VIT: variants seen among roughly 807,000 people sequenced by gnomAD.
VIT encodes vitrin.
VIT carries 99 observed loss-of-function variants against 78.0 expected under a neutral mutation model. The ratio of observed to expected loss-of-function variants is 1.27; its 90% CI spans 1.08 to 1.50. The LOEUF is 1.50. VIT is among the 40% of genes most tolerant of loss of function. The pLI is 0.00. For synonymous variants in VIT, 374 were observed against 334.3 expected (o/e 1.12, Z -1.29); for missense variants, 1,126 against 875.3 (o/e 1.29, Z -3.61).
intron 9 of VIT, 121 bp from the exon 10 acceptor site, chr2:36,781,606 T>C (rs2148620824): frequency 1.8e-6 from 2 of 1,105,586 alleles, no homozygotes; most frequent in East Asian, 5.1e-5. Flanking sequence ...TCTGGCCCTC[T>C]GTTCCTTTAT....
chr2:36,767,382 ATGGGGAGCAC>A (rs1669500215), intron 7 of VIT, 97 bp downstream of exon 7: 1 of 1,272,094 alleles, frequency 7.9e-7, no homozygotes, highest in Non-Finnish European at 1.0e-6. Context: ...GGCTGGGTGA[ATGGGGAGCAC>A]TGGAGAACTG....
chr2:36,718,548 G>T (rs1323470998), intron 2 of VIT, among the ~76,000 whole-genome samples: 1 of 152,146 alleles, frequency 6.6e-6, no homozygotes, highest in Non-Finnish European at 1.5e-5. Flanking sequence ...TGTCTCTCAG[G>T]TAAGCTACTT....
intron 9 of VIT, 35 bp from the exon 10 acceptor site, chr2:36,781,692 T>A (rs1179580109): frequency 2.5e-6 from 4 of 1,612,422 alleles, no homozygotes; most frequent in Non-Finnish European, 3.4e-6. Context: ...TTGGTTTAAG[T>A]AACAAGTTTG....
chr2:36,800,637 G>A (rs970181488), intron 12 of VIT, among the ~76,000 whole-genome samples: 6 of 152,106 alleles, frequency 3.9e-5, no homozygotes, highest in South Asian at 2.1e-4. Flanking sequence ...CCTCCTGCAC[G>A]CCTCCACACC....
At chr2:36,814,131 T>C in intron 15 of VIT, 52 bp from the exon 16 acceptor site, 1 of 1,587,438 alleles carries the variant, frequency 6.3e-7, no homozygotes, top group Non-Finnish European at 8.6e-7. Context: ...AGAGATTCTT[T>C]AGCAGCACCT....
intron 6 of VIT, 134 bp downstream of exon 6, chr2:36,759,180 A>G (rs1486406830): frequency 1.3e-6 from 2 of 1,584,620 alleles, no homozygotes; most frequent in East Asian, 2.3e-5. Context: ...AACAGATGCC[A>G]GGAACATGGG....
At chr2:36,744,368 G>A (rs1572459287) in intron 4 of VIT, among the ~76,000 whole-genome samples, 1 of 152,238 alleles carries the variant, frequency 6.6e-6, no homozygotes, top group East Asian at 1.9e-4. Context: ...CTGGTCAAAT[G>A]GTTGTTCATT....
intron 4 of VIT, among the ~76,000 whole-genome samples, chr2:36,752,106 T>C (rs1348647144): frequency 1.3e-5 from 2 of 152,200 alleles, no homozygotes; most frequent in African/African-American, 2.4e-5. Context: ...ATATTCTATA[T>C]CATGATCAGA....
intron 11 of VIT, 114 bp from the exon 12 acceptor site, chr2:36,787,015 T>G: frequency 7.4e-7 from 1 of 1,355,936 alleles, no homozygotes; most frequent in Non-Finnish European, 1.0e-6. Flanking sequence ...CTACCTCTTT[T>G]TCCCTTTCTT....
chr2:36,728,194 G>C (rs1303064944), intron 2 of VIT, among the ~76,000 whole-genome samples: 2 of 151,766 alleles, frequency 1.3e-5, no homozygotes, highest in East Asian at 1.9e-4. Context: ...GCCTCCCAAA[G>C]TGCTGGGATT....
chr2:36,751,841 T>G (rs1362927922), intron 4 of VIT, among the ~76,000 whole-genome samples: 1 of 152,208 alleles, frequency 6.6e-6, no homozygotes, highest in Admixed American at 6.5e-5. Context: ...GTACCACTAT[T>G]CAAAGGGAAG....
intron 4 of VIT, among the ~76,000 whole-genome samples, chr2:36,747,687 G>A (rs1003704863): frequency 1.3e-5 from 2 of 152,170 alleles, no homozygotes; most frequent in African/African-American, 4.8e-5. Flanking sequence ...AGATGGCTGG[G>A]TCTTGTTTCT....
In VIT at chr2:36,814,263, C is replaced by A; in HGVS notation, c.1984C>A (p.His662Asn). 1 of 1,614,238 alleles carries A rather than the reference C, an allele frequency of 6.2e-7. No individual in the cohort carries two copies. The highest frequency in any genetic ancestry group is 1.1e-5 in the South Asian group (1 of 91,090). ...CATTGCCACTCACCCCGCCAGAGACCACTCCTTCTTTGTGGACGAGTTTGA... is the reference window on the plus strand; with the variant it reads ...CATTGCCACTCACCCCGCCAGAGACAACTCCTTCTTTGTGGACGAGTTTGA... ...EVIATHPARD[H>N]SFFVDEFDNL... Residue 662 changes from histidine to asparagine, a missense_variant, in exon 16 of 16, where the codon CAC (histidine) becomes AAC (asparagine). By Grantham distance (68) the His-to-Asn change is moderately conservative. Transcript: ENST00000379242.
chr2:36,810,049 T>C (rs1283989569), intron 15 of VIT, among the ~76,000 whole-genome samples: 1 of 148,188 alleles, frequency 6.7e-6, no homozygotes, highest in Admixed American at 6.7e-5. Context: ...CCCAGCACTT[T>C]GGGAGGCTGA....
At chr2:36,802,734 C>A (rs1217693214) in intron 13 of VIT, among the ~76,000 whole-genome samples, 1 of 152,194 alleles carries the variant, frequency 6.6e-6, no homozygotes, top group Non-Finnish European at 1.5e-5. Context: ...GGGTCTCAAT[C>A]CAATCAGCAT....
intron 9 of VIT, among the ~76,000 whole-genome samples, chr2:36,775,554 C>T (rs1050537676): frequency 6.6e-6 from 1 of 152,192 alleles, no homozygotes; most frequent in Non-Finnish European, 1.5e-5. Flanking sequence ...GCCTCATTCC[C>T]TTTTTCTGAG....
chr2:36,728,546 G>A, intron 2 of VIT, among the ~76,000 whole-genome samples: 1 of 29,512 alleles, frequency 3.4e-5, no homozygotes, highest in Admixed American at 2.9e-4. Context: ...GGGCGCGGTG[G>A]CTCACGCCTG....
In VIT at chr2:36,732,543, T is replaced by C. The variant is rs73924170; in HGVS notation, c.118+3052T>C. On this transcript the variant is annotated intron_variant, in intron 3 of 15. Coordinates refer to ENST00000379242, the MANE Select transcript of VIT (RefSeq NM_053276.4). ...CCAAAGTCATTTTCTTTCTTTTTTT[T>C]TCTATTCAACACTGTCAGTCTGCTG... 4.9e-3 allele frequency among the ~76,000 whole-genome samples: 743 copies of C among 152,326 alleles called. 1 individual carries two copies. Among genetic ancestry groups the C allele is most frequent in the African/African-American group, 0.017 (709 of 41,552 alleles).
intron 4 of VIT, among the ~76,000 whole-genome samples, chr2:36,748,371 A>G (rs1668263443): frequency 6.6e-6 from 1 of 152,204 alleles, no homozygotes; most frequent in Admixed American, 6.5e-5. Flanking sequence ...CCAATGAGTC[A>G]CAGCCTCCTT....
Sources: gnomAD v4.1 joint callset for allele counts (sites outside exome capture counted in the v4.1 genomes callset) on GRCh38, gnomAD v4.1.1 for gene constraint, MANE v1.5 for transcripts, NCBI Gene and HGNC (gene_info 2026-07-23, HGNC 2026-07-21) for gene names.